The following KLHL3 variants were observed in gnomAD, a reference collection of about 807,000 sequenced individuals.
The protein encoded by KLHL3 is kelch-like protein 3.
A neutral mutation model predicts 70.5 loss-of-function variants in KLHL3; 19 were observed. The observed-to-expected ratio is 0.27, with a 90% CI of 0.19 to 0.40. The LOEUF (loss-of-function observed/expected upper bound fraction) is 0.40. Ranked by LOEUF, KLHL3 falls within the 10% of genes least tolerant of loss-of-function variation. The pLI is 1.00. For synonymous variants in KLHL3, 258 were observed against 290.3 expected, an observed-to-expected ratio of 0.89 and a Z score of 1.13; for missense variants, 512 against 771.1, an observed-to-expected ratio of 0.66 and a Z score of 3.98.
At chr5:137,650,663 T>C (rs1012682758) in intron 8 of KLHL3, among the ~76,000 whole-genome samples, 2 of 151,486 alleles carry the variant, frequency 1.3e-5, no homozygotes, top group African/African-American at 2.4e-5. Flanking sequence ...CTACTAAAAA[T>C]ACAAAAAACG....
intron 5 of KLHL3, among the ~76,000 whole-genome samples, chr5:137,684,127 T>C (rs1237550262): frequency 6.6e-6 from 1 of 152,214 alleles, no homozygotes. Flanking sequence ...CTGCCACTTA[T>C]AAGCTGTTAA....
intron 1 of KLHL3, among the ~76,000 whole-genome samples, chr5:137,733,413 G>C (rs1753211654): frequency 6.6e-6 from 1 of 152,150 alleles, no homozygotes; most frequent in Non-Finnish European, 1.5e-5. Context: ...TTCAGCACCT[G>C]CTATTTGTGT....
rs547875576 is a variant in KLHL3 at position 137,643,305 on chromosome 5, T to C, written c.904-3328A>G. Among the ~76,000 whole-genome samples, 18 of 151,160 alleles carry C rather than the reference T, an allele frequency of 1.2e-4. No homozygotes were observed. The East Asian group carries it at 2.1e-3, about 18-fold the overall frequency. On this transcript the variant is annotated intron_variant, in intron 8 of 14. Transcript: ENST00000309755. ...AATTTGAGGCTGCAGTGAGTTGTGA[T>C]TGCAGCACCACTGCACTCCAGTCTG...
chr5:137,631,706 T>C (rs946691562), intron 12 of KLHL3, among the ~76,000 whole-genome samples: 1 of 152,246 alleles, frequency 6.6e-6, no homozygotes. Flanking sequence ...AGGGCTGCAG[T>C]GAGGATTAAA....
At chr5:137,651,703 A>C (rs1751206694) in intron 8 of KLHL3, among the ~76,000 whole-genome samples, 1 of 152,206 alleles carries the variant, frequency 6.6e-6, no homozygotes, top group Non-Finnish European at 1.5e-5. Context: ...TTGTAGATAG[A>C]CAAGTTGATT....
At chr5:137,646,768 TACTC>T (rs750824964) in intron 8 of KLHL3, among the ~76,000 whole-genome samples, 2 of 152,232 alleles carry the variant, frequency 1.3e-5, no homozygotes, top group Non-Finnish European at 1.5e-5. Flanking sequence ...TATTAGAAAT[TACTC>T]AATCAAATCA....
intron 12 of KLHL3, 150 bp downstream of exon 12, chr5:137,633,887 T>G (rs1245844882): frequency 1.0e-6 from 1 of 993,334 alleles, no homozygotes; most frequent in East Asian, 2.4e-5. Context: ...GCGTGATGGG[T>G]ACACTAGAAG....
chr5:137,641,780 G>T (rs966313697), intron 8 of KLHL3, among the ~76,000 whole-genome samples: 2 of 152,042 alleles, frequency 1.3e-5, no homozygotes, highest in Non-Finnish European at 2.9e-5. Flanking sequence ...ACCAAAAGTG[G>T]GTAACCAGTG....
intron 5 of KLHL3, among the ~76,000 whole-genome samples, chr5:137,682,048 T>C (rs958506590): frequency 2.6e-5 from 4 of 152,304 alleles, no homozygotes; most frequent in African/African-American, 9.6e-5. Flanking sequence ...GGGGGTACAG[T>C]TGGGTCTCGG....
At chr5:137,631,238 G>T (rs1750630537) in intron 12 of KLHL3, among the ~76,000 whole-genome samples, 1 of 152,210 alleles carries the variant, frequency 6.6e-6, no homozygotes, top group Non-Finnish European at 1.5e-5. Context: ...TGATGCCTCT[G>T]TCTGCCCTCA....
At chr5:137,719,535 G>A (rs978168591) in intron 2 of KLHL3, among the ~76,000 whole-genome samples, 2 of 152,236 alleles carry the variant, frequency 1.3e-5, no homozygotes, top group African/African-American at 4.8e-5. Context: ...CACAGGCTTT[G>A]TACAAAAAAA....
At chr5:137,653,533 A>G (rs1437554830) in intron 8 of KLHL3, among the ~76,000 whole-genome samples, 2 of 152,228 alleles carry the variant, frequency 1.3e-5, no homozygotes, top group African/African-American at 4.8e-5. Flanking sequence ...AGAGAGATGC[A>G]TATTAAAACC....
intron 8 of KLHL3, among the ~76,000 whole-genome samples, chr5:137,647,814 A>C (rs1751094469): frequency 6.6e-6 from 1 of 152,190 alleles, no homozygotes; most frequent in Non-Finnish European, 1.5e-5. Flanking sequence ...GGGAGAGAAG[A>C]GGAGTGGAAA....
intron 12 of KLHL3, among the ~76,000 whole-genome samples, chr5:137,630,673 G>C (rs1265271039): frequency 6.6e-6 from 1 of 152,196 alleles, no homozygotes; most frequent in Non-Finnish European, 1.5e-5. Context: ...GGATCGACTT[G>C]GTTCTTAGGG....
chr5:137,697,900 G>T (rs1327687323), intron 4 of KLHL3, among the ~76,000 whole-genome samples: 2 of 152,174 alleles, frequency 1.3e-5, no homozygotes, highest in Admixed American at 1.3e-4. Flanking sequence ...CTTACTGTTA[G>T]TACCCAAAAG....
chr5:137,631,602 A>G (rs1750637995), intron 12 of KLHL3, among the ~76,000 whole-genome samples: 1 of 152,216 alleles, frequency 6.6e-6, no homozygotes, highest in Non-Finnish European at 1.5e-5. Context: ...TGGAGTCAGC[A>G]TTACTAATTA....
intron 8 of KLHL3, among the ~76,000 whole-genome samples, chr5:137,644,232 C>A (rs890312536): frequency 9.2e-5 from 14 of 152,226 alleles, no homozygotes; most frequent in African/African-American, 3.4e-4. Flanking sequence ...CCACACCCGG[C>A]TAATTTTTTG....
At chr5:137,631,665 A>G (rs1012117500) in intron 12 of KLHL3, among the ~76,000 whole-genome samples, 1 of 152,228 alleles carries the variant, frequency 6.6e-6, no homozygotes, top group Admixed American at 6.5e-5. Flanking sequence ...TCTAAATCTG[A>G]TAAGTGCAAT....
intron 5 of KLHL3, among the ~76,000 whole-genome samples, chr5:137,678,764 G>C (rs566514897): frequency 1.3e-5 from 2 of 151,592 alleles, no homozygotes; most frequent in Non-Finnish European, 2.9e-5. Context: ...TTCCCTAAAC[G>C]TTAACAGTTT....
Sources: gnomAD v4.1 joint callset for allele counts (sites outside exome capture counted in the v4.1 genomes callset) on GRCh38, gnomAD v4.1.1 for gene constraint, MANE v1.5 for transcripts, NCBI Gene and HGNC (gene_info 2026-07-23, HGNC 2026-07-21) for gene names.